The following TECR variants were observed in gnomAD, a reference collection of about 807,000 sequenced individuals.
The protein encoded by TECR is trans-2,3-enoyl-CoA reductase, also known as very-long-chain enoyl-CoA reductase.
A neutral mutation model predicts 50.6 loss-of-function variants in TECR; 19 were observed. The ratio of observed to expected loss-of-function variants is 0.38; its 90% CI spans 0.26 to 0.55. The LOEUF is 0.55. TECR is among the 20% of genes least tolerant of loss of function. The pLI, the probability that TECR is intolerant of heterozygous loss-of-function variation, is 0.79. For missense variants in TECR, 313 were observed against 408.3 expected, an observed-to-expected ratio of 0.77 and a Z score of 2.01; for synonymous variants, 168 against 163.5, an observed-to-expected ratio of 1.03 and a Z score of -0.21.
chr19:14,562,481 C>A (rs377280744), intron 1 of TECR, 44 bp from the exon 2 acceptor site: 1 of 1,613,630 alleles, frequency 6.2e-7, no homozygotes, highest in African/African-American at 1.3e-5. Flanking sequence ...CCCACACCCC[C>A]AAAGGTGGCC....
intron 1 of TECR, among the ~76,000 whole-genome samples, chr19:14,550,539 G>A (rs1164927475): frequency 6.6e-6 from 1 of 152,088 alleles, no homozygotes; most frequent in African/African-American, 2.4e-5. Flanking sequence ...CCCAGGTGTC[G>A]TCCCCAACTG....
chr19:14,544,322 G>T (rs1399841464), intron 1 of TECR, among the ~76,000 whole-genome samples: 5 of 152,210 alleles, frequency 3.3e-5, no homozygotes, highest in Admixed American at 6.5e-5. Context: ...GTAACCCCTG[G>T]CCCTGGGGAG....
intron 8 of TECR, 42 bp from the exon 9 acceptor site, chr19:14,564,907 G>A: frequency 6.2e-7 from 1 of 1,614,016 alleles, no homozygotes; most frequent in Non-Finnish European, 8.5e-7. Flanking sequence ...CCCACCCAGC[G>A]GGTCCTCCCC....
intron 1 of TECR, among the ~76,000 whole-genome samples, chr19:14,533,407 C>T (rs10416623): frequency 0.32 from 48,623 of 151,490 alleles, 8,621 homozygotes; most frequent in Non-Finnish European, 0.41. Flanking sequence ...GTGACAAGAA[C>T]GAGACTCTGT....
At chr19:14,546,841 C>G (rs1339815926) in intron 1 of TECR, among the ~76,000 whole-genome samples, 1 of 152,118 alleles carries the variant, frequency 6.6e-6, no homozygotes, top group Non-Finnish European at 1.5e-5. Flanking sequence ...AGGTGCACAC[C>G]ACTACGCCCA....
chr19:14,538,536 C>CT (rs5827232), intron 1 of TECR, among the ~76,000 whole-genome samples: 48 of 136,766 alleles, frequency 3.5e-4, no homozygotes, highest in Admixed American at 1.8e-3. Context: ...TCTTTTTTTT[C>CT]TTTTTTTTTT....
In TECR at chr19:14,563,727, C is replaced by T. The variant is rs1405764628; in HGVS notation, c.163+25C>T. 5 of 1,613,154 alleles carry T rather than the reference C, an allele frequency of 3.1e-6. No individual in the cohort carries two copies. The highest frequency in any genetic ancestry group is 3.4e-6 in the Non-Finnish European group (4 of 1,179,920). Reference sequence around the variant, plus strand: ...AGTGAGTACAGCTGTCCACTCGGCCCGCCCCCTGGGCTCCTGGGTGGCAGT... The same window carrying T: ...AGTGAGTACAGCTGTCCACTCGGCCTGCCCCCTGGGCTCCTGGGTGGCAGT... On this transcript the variant is annotated intron_variant, in intron 4 of 12. Coordinates refer to ENST00000215567, the MANE Select transcript of TECR (RefSeq NM_138501.6). This position sits in a 1 kb window ranked among gnomAD's most constrained non-coding sequence, Gnocchi z 5.3.
At position 14,563,046 on chromosome 19, in the gene TECR, G is replaced by T; in HGVS notation, c.67-160G>T. ...CTGTCACTGCACTGGCAGGGCCCTC[G>T]GTGGTCCTTCCCTGACTGCAGGCAG... is the stretch of plus-strand genomic sequence containing the variant. On this transcript the variant is annotated intron_variant, in intron 2 of 12. Coordinates refer to ENST00000215567, the MANE Select transcript of TECR (RefSeq NM_138501.6). This position sits in a 1 kb window ranked among gnomAD's most constrained non-coding sequence, Gnocchi z 5.3. The T allele has an allele frequency of 1.2e-6, 1 of 849,646 alleles. No homozygotes were observed. The highest frequency in any genetic ancestry group is 1.8e-6 in the Non-Finnish European group (1 of 540,792). The allele number at this position is 849,646 out of a possible 1,614,324, so 52.6% of individuals were successfully genotyped here.
chr19:14,564,214 TC>T lies in TECR; in HGVS notation c.417del (p.Lys140SerfsTer55). ...LACICHSFHY[I>X]KRLLETLFVH... ...TGCATCTGTCACTCATTCCACTACA[TC>T]AAGCGCCTGCTGGAGACGCTCTTCG... On this transcript the variant is annotated frameshift_variant, in exon 7 of 13. Coordinates refer to ENST00000215567, the MANE Select transcript of TECR (RefSeq NM_138501.6). LOFTEE classifies it high-confidence loss of function. The T allele has an allele frequency of 1.2e-6, 2 of 1,608,018 alleles. No individual in the cohort carries two copies. The highest frequency in any genetic ancestry group is 1.7e-6 in the Non-Finnish European group (2 of 1,179,760).
intron 1 of TECR, among the ~76,000 whole-genome samples, chr19:14,561,336 T>G (rs2073894276): frequency 6.6e-6 from 1 of 152,152 alleles, no homozygotes; most frequent in Non-Finnish European, 1.5e-5. Flanking sequence ...GGTGGCTGAC[T>G]TGGGATCAGG....
upstream of TECR, chr19:14,529,298 A>G (rs1236842116): frequency 5.2e-6 from 2 of 385,004 alleles, no homozygotes; most frequent in East Asian, 5.6e-5. Context: ...CGTCTGGCCT[A>G]ACCGTCGCTT....
intron 1 of TECR, chr19:14,530,090 C>T: frequency 1.4e-5 from 5 of 354,812 alleles, no homozygotes; most frequent in South Asian, 1.0e-4. Flanking sequence ...GCCACGCCGC[C>T]GTCACCAGCG....
intron 1 of TECR, among the ~76,000 whole-genome samples, chr19:14,539,407 AG>A (rs1252656940): frequency 6.6e-6 from 1 of 152,026 alleles, no homozygotes; most frequent in African/African-American, 2.4e-5. Context: ...GAATCATCCC[AG>A]GAAGTGGAGG....
At position 14,562,540 on chromosome 19, in the gene TECR, G is replaced by T; in HGVS notation, c.31G>T (p.Ala11Ser). 1 of 1,614,228 alleles carries T rather than the reference G, an allele frequency of 6.2e-7. No homozygotes were observed. The highest frequency in any genetic ancestry group is 8.5e-7 in the Non-Finnish European group (1 of 1,180,034). The change falls in exon 2 of 13, where the codon GCA becomes TCA. Residue 11 changes from alanine to serine, a missense_variant. By Grantham distance (99) the Ala-to-Ser change is moderately conservative. Coordinates refer to ENST00000215567, the MANE Select transcript of TECR (RefSeq NM_138501.6). ...CTTCTTCGAGGTGGAGATTCTGGAC[G>T]CAAAGACAAGGGAGAAGCTGTGTTT... MKHYEVEILD[A>S]KTREKLCFLD...
chr19:14,541,229 A>G (rs1477249558), intron 1 of TECR, among the ~76,000 whole-genome samples: 2 of 152,056 alleles, frequency 1.3e-5, no homozygotes, highest in African/African-American at 4.8e-5. Flanking sequence ...CTCCTGCCTC[A>G]GCCTCCCAAA....
intron 1 of TECR, among the ~76,000 whole-genome samples, chr19:14,556,270 T>G (rs2073718078): frequency 6.6e-6 from 1 of 152,116 alleles, no homozygotes; most frequent in African/African-American, 2.4e-5. Context: ...GTTCCCCCAC[T>G]GTCTACTGGC....
intron 1 of TECR, chr19:14,545,011 C>G: frequency 2.2e-6 from 1 of 446,138 alleles, no homozygotes. Flanking sequence ...TCTCTGTTCC[C>G]TCCCTGGTCC....
intron 11 of TECR, 111 bp downstream of exon 11, chr19:14,565,401 C>T: frequency 4.2e-6 from 6 of 1,440,576 alleles, no homozygotes; most frequent in Non-Finnish European, 5.7e-6. Context: ...GCCTGCACTG[C>T]GAGCATTGGG....
upstream of TECR, chr19:14,529,117 A>G (rs1177255742): frequency 1.7e-5 from 3 of 178,804 alleles, no homozygotes; most frequent in South Asian, 9.3e-5. Context: ...GTCTCCTCCC[A>G]TAGTGACCTC....
Sources: gnomAD v4.1 joint callset for allele counts (sites outside exome capture counted in the v4.1 genomes callset) on GRCh38, gnomAD v4.1.1 for gene constraint, Gnocchi (gnomAD v3.1) non-coding constraint, MANE v1.5 for transcripts, NCBI Gene and HGNC (gene_info 2026-07-23, HGNC 2026-07-21) for gene names.